RBFOX1: variants seen among roughly 807,000 people sequenced by gnomAD.
The protein encoded by RBFOX1 is RNA binding fox-1 homolog 1.
RBFOX1 carries 8 observed loss-of-function variants against 57.7 expected under a neutral mutation model. The ratio of observed to expected loss-of-function variants is 0.14; its 90% CI spans 0.08 to 0.25. The LOEUF is 0.25. RBFOX1 is among the 10% of genes least tolerant of loss of function. RBFOX1 has a pLI of 1.00. For synonymous variants in RBFOX1, 326 were observed against 222.4 expected, an observed-to-expected ratio of 1.47 and a Z score of -4.15; for missense variants, 611 against 548.5, an observed-to-expected ratio of 1.11 and a Z score of -1.14.
At chr16:6,811,183 G>C (rs962316782) in intron 3 of RBFOX1, among the ~76,000 whole-genome samples, 3 of 152,128 alleles carry the variant, frequency 2.0e-5, no homozygotes, top group African/African-American at 7.2e-5. Flanking sequence ...ATGAGAGTTT[G>C]GAAAATAATT....
intron 4 of RBFOX1, among the ~76,000 whole-genome samples, chr16:7,341,776 C>CTTCCT (rs1568306565): frequency 3.2e-5 from 3 of 95,120 alleles, no homozygotes; most frequent in African/African-American, 1.2e-4. Flanking sequence ...CCCTCCCTCC[C>CTTCCT]TCCTTCCTTC....
chr16:6,583,227 C>T (rs2097562037), intron 2 of RBFOX1, among the ~76,000 whole-genome samples: 1 of 152,174 alleles, frequency 6.6e-6, no homozygotes, highest in South Asian at 2.1e-4. Context: ...AAATAAATCA[C>T]TGTGGTCCGG....
rs537884060 is a variant in RBFOX1 at position 5,340,092 on chromosome 16, A to T, written c.219+99987A>T. 1.4e-4 allele frequency among the ~76,000 whole-genome samples: 21 copies of T among 152,334 alleles called. No homozygotes were observed. The South Asian group carries it at 2.9e-3, about 21-fold the overall frequency. ...TACCATAAGTAGTCTTAGCTTTATA[A>T]TTCATCCATTTCTTTTTTCCTGGTA... On this transcript the variant is annotated intron_variant, in intron 1 of 2. Coordinates refer to the RBFOX1 transcript ENST00000585867.
intron 1 of RBFOX1, among the ~76,000 whole-genome samples, chr16:5,464,198 C>T (rs1036892173): frequency 8.5e-5 from 13 of 152,162 alleles, no homozygotes; most frequent in African/African-American, 1.9e-4. Context: ...GTGGGACACC[C>T]ATGTGGAGAG....
chr16:6,613,106 G>A (rs2098090355), intron 2 of RBFOX1, among the ~76,000 whole-genome samples: 1 of 151,702 alleles, frequency 6.6e-6, no homozygotes. Flanking sequence ...TGTCAGGCCT[G>A]ATTAATACTT....
chr16:6,954,878 G>T (rs1384378045), intron 3 of RBFOX1, among the ~76,000 whole-genome samples: 1 of 152,082 alleles, frequency 6.6e-6, no homozygotes, highest in African/African-American at 2.4e-5. Flanking sequence ...ATCAATTCAT[G>T]TGTCCTCAAA....
intron 4 of RBFOX1, among the ~76,000 whole-genome samples, chr16:7,176,945 G>C (rs2081788428): frequency 6.6e-6 from 1 of 152,084 alleles, no homozygotes; most frequent in Admixed American, 6.6e-5. Context: ...GAATTTTATA[G>C]TATCGCTTTA....
At chr16:7,400,899 C>G (rs779910434) in intron 4 of RBFOX1, among the ~76,000 whole-genome samples, 12 of 152,186 alleles carry the variant, frequency 7.9e-5, no homozygotes, top group African/African-American at 9.6e-5. Context: ...GGTTGATGAT[C>G]TTTGCAACTA....
At chr16:5,827,652 C>G (rs1384740838) in intron 3 of RBFOX1, among the ~76,000 whole-genome samples, 2 of 152,136 alleles carry the variant, frequency 1.3e-5, no homozygotes, top group Non-Finnish European at 2.9e-5. Context: ...AAAGAAATGG[C>G]TGCAGCTGTT....
intron 4 of RBFOX1, among the ~76,000 whole-genome samples, chr16:5,882,898 A>G (rs2057798371): frequency 6.6e-6 from 1 of 152,224 alleles, no homozygotes; most frequent in Admixed American, 6.5e-5. Context: ...AAAATGTGTA[A>G]TAGTCTGTTA....
chr16:7,188,798 C>G (rs1045547798), intron 4 of RBFOX1, among the ~76,000 whole-genome samples: 37 of 152,170 alleles, frequency 2.4e-4, no homozygotes, highest in African/African-American at 8.7e-4. Context: ...GGGCATGCTA[C>G]GAAGGAACCA....
intron 11 of RBFOX1, among the ~76,000 whole-genome samples, chr16:7,639,596 A>T (rs1388982048): frequency 2.1e-4 from 32 of 152,294 alleles, no homozygotes. Flanking sequence ...CACATAACAG[A>T]CAAATATATA....
intron 1 of RBFOX1, among the ~76,000 whole-genome samples, chr16:6,025,189 C>T (rs113564052): frequency 1.3e-5 from 2 of 152,110 alleles, no homozygotes; most frequent in Admixed American, 6.6e-5. Flanking sequence ...CCTGGCCGGC[C>T]GGCTCTATTT....
chr16:6,943,032 G>A (rs2078833530), intron 3 of RBFOX1, among the ~76,000 whole-genome samples: 1 of 152,194 alleles, frequency 6.6e-6, no homozygotes, highest in South Asian at 2.1e-4. Context: ...AAATGGGCAA[G>A]CGGGGAGAAA....
At chr16:7,302,995 A>G (rs1385296614) in intron 4 of RBFOX1, among the ~76,000 whole-genome samples, 1 of 152,226 alleles carries the variant, frequency 6.6e-6, no homozygotes, top group Non-Finnish European at 1.5e-5. Context: ...CCTGCAGCCG[A>G]CGGAGTAATC....
chr16:6,913,244 T>A (rs893280073), intron 3 of RBFOX1, among the ~76,000 whole-genome samples: 10 of 152,168 alleles, frequency 6.6e-5, no homozygotes, highest in African/African-American at 2.2e-4. Context: ...TGTCCACCTA[T>A]TTAACTGTTA....
chr16:6,061,071 A>C (rs1400031918), intron 1 of RBFOX1, among the ~76,000 whole-genome samples: 1 of 152,130 alleles, frequency 6.6e-6, no homozygotes, highest in Non-Finnish European at 1.5e-5. Context: ...ATTCATTTAC[A>C]CTTACTGACA....
At chr16:6,878,226 C>T (rs184639746) in intron 3 of RBFOX1, among the ~76,000 whole-genome samples, 27 of 152,272 alleles carry the variant, frequency 1.8e-4, no homozygotes, top group African/African-American at 9.6e-5. Flanking sequence ...ACAAAGATTC[C>T]GTTTCTTCCC....
intron 2 of RBFOX1, among the ~76,000 whole-genome samples, chr16:6,652,075 A>G (rs1450170179): frequency 6.6e-6 from 1 of 152,150 alleles, no homozygotes. Context: ...TGTGTTTTGG[A>G]GATTAGTCCT....
Sources: allele counts gnomAD v4.1 joint callset (sites outside exome capture counted in the v4.1 genomes callset), GRCh38; gene constraint gnomAD v4.1.1; transcripts MANE v1.5; gene names NCBI Gene and HGNC (gene_info 2026-07-23, HGNC 2026-07-21).